AMBRA1: variants seen among roughly 807,000 people sequenced by gnomAD.
AMBRA1 encodes the protein autophagy and beclin 1 regulator 1.
Under a neutral mutation model 125.4 loss-of-function variants are expected in AMBRA1, and 47 were observed. The observed-to-expected ratio is 0.37, with a 90% CI of 0.30 to 0.48. The LOEUF (loss-of-function observed/expected upper bound fraction) is 0.48, where lower values mean the gene tolerates loss of function less well. Ranked by LOEUF, AMBRA1 falls within the 20% of genes least tolerant of loss-of-function variation. The probability of loss-of-function intolerance (pLI) is 0.99; values close to 1 mark genes in which losing one functional copy is unlikely to be tolerated. For missense variants in AMBRA1, 1,331 were observed against 1,693.4 expected, an observed-to-expected ratio of 0.79 and a Z score of 3.76; for synonymous variants, 626 against 655.5, an observed-to-expected ratio of 0.95 and a Z score of 0.69.
intron 11 of AMBRA1, among the ~76,000 whole-genome samples, chr11:46,483,919 G>GCTAC (rs1950169156): frequency 6.6e-6 from 1 of 151,988 alleles, no homozygotes; most frequent in Non-Finnish European, 1.5e-5. Flanking sequence ...AAAAGAAGGA[G>GCTAC]GTAGGGGGTT....
intron 11 of AMBRA1, among the ~76,000 whole-genome samples, chr11:46,487,380 G>T (rs917611975): frequency 6.6e-6 from 1 of 152,164 alleles, no homozygotes; most frequent in Non-Finnish European, 1.5e-5. Flanking sequence ...TTATTAACAA[G>T]TTAATAAAGT....
Position 46,397,766 on chromosome 11 carries a change from G to A in AMBRA1, c.3581C>T (p.Thr1194Met), listed in dbSNP as rs762502501. ...GTGGGCGGCACCAGGTTCAGTGCCC[G>A]TCTGAGAGCTGCGGTGAATGCGGTG... ...VSHRIHRSSQ[T>M]GTEPGAAHTS... The change falls in exon 18 of 18, where the codon ACG (threonine) becomes ATG (methionine). Residue 1194 changes from threonine (T) to methionine (M), a missense_variant. By Grantham distance (81) the Thr-to-Met change is moderately conservative. Transcript: ENST00000683756. 5 of 1,612,182 alleles carry A rather than the reference G, an allele frequency of 3.1e-6. No homozygotes were observed. The highest frequency in any genetic ancestry group is 4.2e-6 in the Non-Finnish European group (5 of 1,179,988).
At chr11:46,494,350 G>T (rs1950561584) in intron 9 of AMBRA1, 146 bp from the exon 10 acceptor site, 2 of 606,534 alleles carry the variant, frequency 3.3e-6, no homozygotes, top group Admixed American at 2.6e-5. Flanking sequence ...CACTAATTAG[G>T]CAGCACATTA....
chr11:46,526,723 C>A (rs149608466), intron 7 of AMBRA1, among the ~76,000 whole-genome samples: 218 of 149,146 alleles, frequency 1.5e-3, no homozygotes, highest in African/African-American at 5.1e-3. Context: ...CCAGTCTACA[C>A]CCCACACACA....
At chr11:46,521,160 T>G (rs1042724153) in intron 7 of AMBRA1, among the ~76,000 whole-genome samples, 1 of 152,216 alleles carries the variant, frequency 6.6e-6, no homozygotes, top group African/African-American at 2.4e-5. Context: ...TCAGACAAGG[T>G]TGCTAGATGC....
chr11:46,503,060 C>CAAAAAAA (rs35217088), intron 9 of AMBRA1, among the ~76,000 whole-genome samples: 2 of 31,008 alleles, frequency 6.4e-5, no homozygotes, highest in African/African-American at 1.6e-4. Flanking sequence ...GACTCTGTCT[C>CAAAAAAA]AAAAAAAAAA....
Position 46,449,919 on chromosome 11 carries a change from C to T in AMBRA1, c.2522-6321G>A, listed in dbSNP as rs538848048. Among the ~76,000 whole-genome samples, 10 of 152,118 alleles carry T rather than the reference C, an allele frequency of 6.6e-5. No homozygotes were observed. The East Asian group carries it at 1.9e-3, about 29-fold the overall frequency. ...ACTAAAAATACAAAAATTAGCGGGG[C>T]GTGGTGGCGCATATCTGTAATCCCA... is the stretch of plus-strand genomic sequence containing the variant. On this transcript the variant is annotated intron_variant, in intron 11 of 17. Coordinates refer to ENST00000683756, the MANE Select transcript of AMBRA1 (RefSeq NM_001387011.1).
intron 10 of AMBRA1, 76 bp downstream of exon 10, chr11:46,494,048 G>T: frequency 7.2e-7 from 1 of 1,390,198 alleles, no homozygotes; most frequent in Non-Finnish European, 1.0e-6. Context: ...ACAATTCAAA[G>T]ACCAGAAAGT....
At chr11:46,468,210 G>T (rs967814574) in intron 11 of AMBRA1, among the ~76,000 whole-genome samples, 53 of 152,182 alleles carry the variant, frequency 3.5e-4, no homozygotes, top group African/African-American at 1.3e-3. Flanking sequence ...CAAGCAGTGC[G>T]TGGTGGGACC....
chr11:46,566,065 G>A (rs2135256118), intron 1 of AMBRA1, among the ~76,000 whole-genome samples: 1 of 152,186 alleles, frequency 6.6e-6, no homozygotes, highest in Middle Eastern at 3.4e-3. Flanking sequence ...GTCTTTCAAT[G>A]GGTAAAGGAT....
At position 46,547,081 on chromosome 11, in the gene AMBRA1, A is replaced by G. The variant is rs770598710; in HGVS notation, c.378+32T>C. ...CTCAAAAAAAAAAAATTAGAACACC[A>G]AAAGAAAAGGGTATCTTAAGGAAAT... On this transcript the variant is annotated intron_variant, in intron 4 of 17. Transcript: ENST00000683756. The G allele has an allele frequency of 3.8e-6, 6 of 1,562,044 alleles. No individual in the cohort carries two copies. The Admixed American group carries it at 1.2e-4, about 32-fold the overall frequency.
At chr11:46,435,747 A>G (rs1214264181) in intron 12 of AMBRA1, among the ~76,000 whole-genome samples, 3 of 152,272 alleles carry the variant, frequency 2.0e-5, no homozygotes, top group Non-Finnish European at 4.4e-5. Flanking sequence ...AACAAACTGC[A>G]GGGTCAGGCA....
chr11:46,429,057 G>A (rs1157038495), intron 14 of AMBRA1: 1 of 1,610,752 alleles, frequency 6.2e-7, no homozygotes, highest in African/African-American at 1.3e-5. Context: ...AGCTCCGGGT[G>A]CTTAGGCATG....
At chr11:46,518,123 A>T (rs182400729) in intron 7 of AMBRA1, 1 of 984,896 alleles carries the variant, frequency 1.0e-6, no homozygotes, top group Non-Finnish European at 1.2e-6. Flanking sequence ...AGAGATAGCC[A>T]TTTGTTTTCA....
chr11:46,487,813 T>C (rs2136940288), intron 11 of AMBRA1, among the ~76,000 whole-genome samples: 1 of 152,120 alleles, frequency 6.6e-6, no homozygotes, highest in African/African-American at 2.4e-5. Context: ...AAAACCCAAC[T>C]ATATCAATGA....
chr11:46,562,442 G>C (rs1565299929), intron 1 of AMBRA1, among the ~76,000 whole-genome samples: 1 of 152,210 alleles, frequency 6.6e-6, no homozygotes, highest in Non-Finnish European at 1.5e-5. Flanking sequence ...ATGACAAGAT[G>C]ATGGGAATTT....
intron 1 of AMBRA1, among the ~76,000 whole-genome samples, chr11:46,584,001 C>G (rs1371277201): frequency 6.9e-6 from 1 of 145,860 alleles, no homozygotes; most frequent in East Asian, 2.0e-4. Context: ...AATACCATTT[C>G]ACCCAGCCAT....
At chr11:46,508,425 T>C (rs1590984219) in intron 8 of AMBRA1, 55 bp from the exon 9 acceptor site, 27 of 1,552,016 alleles carry the variant, frequency 1.7e-5, no homozygotes, top group Non-Finnish European at 2.2e-5. Flanking sequence ...GGGAATACTA[T>C]GAAAGGCAGT....
rs766577766 is a variant in AMBRA1, at chr11:46,432,043, A to AT, written c.2976+1430dup. ...GAGGATGCTTTATTTTTATTTATTT[A>AT]TTTTTTTTTGAGATTCTCTTTCATT... On this transcript the variant is annotated intron_variant, in intron 14 of 17. Coordinates refer to ENST00000683756, the MANE Select transcript of AMBRA1 (RefSeq NM_001387011.1). Among the ~76,000 whole-genome samples, 474 of 151,304 alleles carry AT rather than the reference A, an allele frequency of 3.1e-3. 4 individuals carry two copies. The highest frequency in any genetic ancestry group is 0.01 in the African/African-American group (432 of 41,256).
Sources: gnomAD v4.1 joint callset for allele counts (sites outside exome capture counted in the v4.1 genomes callset) on GRCh38, gnomAD v4.1.1 for gene constraint, MANE v1.5 for transcripts, NCBI Gene and HGNC (gene_info 2026-07-23, HGNC 2026-07-21) for gene names.